FIRRM: variants seen among roughly 807,000 people sequenced by gnomAD.
The protein encoded by FIRRM is FIGNL1-interacting regulator of recombination and mitosis.
the FIRRM span, chr1:169,837,211 C>G: frequency 2.4e-6 from 2 of 820,956 alleles, no homozygotes; most frequent in Non-Finnish European, 3.5e-6. Context: ...TGCACACACT[C>G]TCTGTTCTCT....
chr1:169,821,511 C>T, the FIRRM span, among the ~76,000 whole-genome samples: 2 of 151,844 alleles, frequency 1.3e-5, no homozygotes, highest in Non-Finnish European at 2.9e-5. Flanking sequence ...TTGTATCGCA[C>T]CTAATAATTC....
the FIRRM span, among the ~76,000 whole-genome samples, chr1:169,817,224 G>A: frequency 1.3e-5 from 2 of 152,136 alleles, no homozygotes; most frequent in Non-Finnish European, 2.9e-5. Flanking sequence ...TGAGAGTCCT[G>A]AAAATTTCTT....
the FIRRM span, among the ~76,000 whole-genome samples, chr1:169,838,159 G>A: frequency 2.6e-5 from 4 of 152,066 alleles, no homozygotes; most frequent in African/African-American, 7.2e-5. Flanking sequence ...GGCAGGTCAC[G>A]AACTCCTGAT....
At chr1:169,784,891 G>A in the FIRRM span, 3 of 152,144 alleles carry the variant, frequency 2.0e-5, no homozygotes, top group African/African-American at 7.2e-5. Context: ...AATTGAAAAT[G>A]GAAATTACCT....
the FIRRM span, chr1:169,850,223 T>C: frequency 7.5e-7 from 1 of 1,341,200 alleles, no homozygotes; most frequent in Non-Finnish European, 1.1e-6. Flanking sequence ...TTGCAAGTTG[T>C]TGAAATGTTA....
chr1:169,825,731 T>C, the FIRRM span, among the ~76,000 whole-genome samples: 2 of 152,206 alleles, frequency 1.3e-5, no homozygotes, highest in African/African-American at 2.4e-5. Flanking sequence ...ACCAAAGTCA[T>C]GTAACTAATT....
chr1:169,849,641 A>G, the FIRRM span: 10 of 1,461,242 alleles, frequency 6.8e-6, no homozygotes, highest in Non-Finnish European at 9.6e-6. Flanking sequence ...TGACTTTCAA[A>G]CCATTTTAAT....
chr1:169,831,294 A>G, the FIRRM span, among the ~76,000 whole-genome samples: 1 of 152,084 alleles, frequency 6.6e-6, no homozygotes, highest in South Asian at 2.1e-4. Flanking sequence ...TTAAATTCTG[A>G]GGTGTTTTAT....
the FIRRM span, among the ~76,000 whole-genome samples, chr1:169,841,612 T>A: frequency 2.6e-5 from 4 of 152,190 alleles, no homozygotes; most frequent in African/African-American, 9.7e-5. Flanking sequence ...CCAGAAAACA[T>A]TGCCTTTAGT....
the FIRRM span, chr1:169,853,667 TA>T: frequency 1.2e-5 from 19 of 1,598,838 alleles, no homozygotes; most frequent in Non-Finnish European, 1.5e-5. Flanking sequence ...TGATTTTTTT[TA>T]AAAAAAGGGA....
At chr1:169,808,644 A>G in the FIRRM span, among the ~76,000 whole-genome samples, 1 of 144,708 alleles carries the variant, frequency 6.9e-6, no homozygotes. Flanking sequence ...TCACTCTGTC[A>G]CCCAAGCTGG....
At chr1:169,831,753 T>C in the FIRRM span, among the ~76,000 whole-genome samples, 1 of 152,196 alleles carries the variant, frequency 6.6e-6, no homozygotes, top group Non-Finnish European at 1.5e-5. Flanking sequence ...ATTTTTTTGT[T>C]AGTGGTGGTT....
At chr1:169,830,198 ATAT>A in the FIRRM span, 1 of 1,348,352 alleles carries the variant, frequency 7.4e-7, no homozygotes, top group Non-Finnish European at 1.0e-6. Flanking sequence ...GAGAAATATA[ATAT>A]TATTGCTTAT....
chr1:169,796,124 A>C, the FIRRM span: 11 of 333,338 alleles, frequency 3.3e-5, no homozygotes, highest in East Asian at 1.8e-3. Flanking sequence ...CTATGTAATC[A>C]CATAGAAGTC....
At chr1:169,851,796 GT>G in the FIRRM span, 1 of 1,610,212 alleles carries the variant, frequency 6.2e-7, no homozygotes, top group Non-Finnish European at 8.5e-7. Flanking sequence ...TATTTGCTTG[GT>G]TTTTCATGGT....
the FIRRM span, among the ~76,000 whole-genome samples, chr1:169,812,771 C>T: frequency 6.6e-6 from 1 of 151,442 alleles, no homozygotes; most frequent in Non-Finnish European, 1.5e-5. Context: ...GCAGGAGGAT[C>T]ACTTGAACCC....
At chr1:169,806,102 T>G in the FIRRM span, 1 of 1,505,964 alleles carries the variant, frequency 6.6e-7, no homozygotes, top group Non-Finnish European at 9.1e-7. Context: ...AGTTTGTTTG[T>G]TATTTTTTAC....
the FIRRM span, among the ~76,000 whole-genome samples, chr1:169,825,073 T>A: frequency 6.6e-6 from 1 of 152,230 alleles, no homozygotes. Context: ...GTTCTGTCAA[T>A]GTTACCTTCA....
At chr1:169,831,860 G>A in the FIRRM span, among the ~76,000 whole-genome samples, 2 of 152,136 alleles carry the variant, frequency 1.3e-5, no homozygotes, top group African/African-American at 2.4e-5. Context: ...GGGTGCAAAT[G>A]GTCCTCCTCC....
Sources: allele counts gnomAD v4.1 joint callset (sites outside exome capture counted in the v4.1 genomes callset), GRCh38; gene constraint gnomAD v4.1.1; transcripts MANE v1.5; gene names NCBI Gene and HGNC (gene_info 2026-07-23, HGNC 2026-07-21).